Variants in GRAP2 observed in about 807,000 individuals in gnomAD.
The protein encoded by GRAP2 is GRB2-related adapter protein 2.
In GRAP2, 31 loss-of-function variants were observed where a neutral mutation model predicts 43.5. The ratio of observed to expected loss-of-function variants is 0.71; its 90% confidence interval spans 0.54 to 0.96. GRAP2 has a LOEUF of 0.96. Among genes scored for constraint, GRAP2 ranks in the 40% least tolerant of loss-of-function variants. GRAP2 has a pLI of 0.00. For missense variants in GRAP2, 371 were observed against 424.4 expected (o/e 0.87, Z 1.11); for synonymous variants, 156 against 164.8 (o/e 0.95, Z 0.41).
At chr22:39,936,322 T>C (rs763588467) in intron 1 of GRAP2, among the ~76,000 whole-genome samples, 10 of 152,154 alleles carry the variant, frequency 6.6e-5, no homozygotes, top group Non-Finnish European at 8.8e-5. Flanking sequence ...GAGGTGTTTC[T>C]GTAGACAATT....
At position 39,954,143 on chromosome 22, in the gene GRAP2, G is replaced by T. The variant is rs1323243632; in HGVS notation, c.79-1676G>T. ...GCAAGTGGTCTCTCCTCTACATATGGATGCCTTTTCTATCTATTTCTGCTT... is the reference window on the plus strand; with the variant it reads ...GCAAGTGGTCTCTCCTCTACATATGTATGCCTTTTCTATCTATTTCTGCTT... On this transcript the variant is annotated intron_variant, in intron 2 of 7. Transcript: ENST00000344138. Among the ~76,000 whole-genome samples the T allele has an allele frequency of 5.3e-5, 8 of 152,162 alleles. 1 individual carries two copies. Among genetic ancestry groups the T allele is most frequent in the Admixed American group, 5.2e-4 (8 of 15,286 alleles).
intron 1 of GRAP2, among the ~76,000 whole-genome samples, chr22:39,922,908 G>A (rs904222066): frequency 7.2e-5 from 11 of 152,236 alleles, no homozygotes; most frequent in South Asian, 6.2e-4. Context: ...TGGGCATGGC[G>A]GCATGCGCCT....
At chr22:39,896,143 CTG>C (rs2066465650), upstream of GRAP2, among the ~76,000 whole-genome samples, 1 of 152,178 alleles carries the variant, frequency 6.6e-6, no homozygotes, top group African/African-American at 2.4e-5. Context: ...TTTAAAATCT[CTG>C]TGTGTGCTCA....
At chr22:39,907,228 G>A (rs895050199) in intron 1 of GRAP2, among the ~76,000 whole-genome samples, 2 of 152,120 alleles carry the variant, frequency 1.3e-5, no homozygotes, top group African/African-American at 2.4e-5. Flanking sequence ...GGTGGGTGGG[G>A]GAAGGGGAGT....
At chr22:39,936,674 C>G (rs2066809706) in intron 1 of GRAP2, among the ~76,000 whole-genome samples, 1 of 151,438 alleles carries the variant, frequency 6.6e-6, no homozygotes, top group Non-Finnish European at 1.5e-5. Context: ...GAGACACAGA[C>G]AGAAGGAGAG....
At chr22:39,965,860 A>G (rs2067166984) in intron 4 of GRAP2, 130 bp from the exon 5 acceptor site, 1 of 795,118 alleles carries the variant, frequency 1.3e-6, no homozygotes, top group South Asian at 1.5e-5. Flanking sequence ...CCACCTGCCC[A>G]GTGATGAGTG....
At chr22:39,900,175 A>T (rs1460298659), upstream of GRAP2, among the ~76,000 whole-genome samples, 2 of 152,248 alleles carry the variant, frequency 1.3e-5, no homozygotes, top group Non-Finnish European at 2.9e-5. Flanking sequence ...AGATATAAAG[A>T]AGCAAAGAGA....
chr22:39,944,182 G>A (rs965317006), intron 1 of GRAP2, among the ~76,000 whole-genome samples: 1 of 152,208 alleles, frequency 6.6e-6, no homozygotes, highest in Non-Finnish European at 1.5e-5. Flanking sequence ...AATGCAGTAT[G>A]TAGTGGTGGC....
At chr22:39,937,182 G>C (rs1487991593) in intron 1 of GRAP2, among the ~76,000 whole-genome samples, 1 of 152,192 alleles carries the variant, frequency 6.6e-6, no homozygotes, top group Non-Finnish European at 1.5e-5. Flanking sequence ...TCACCTGATA[G>C]ACCATATCAA....
At chr22:39,955,091 G>A (rs1414341444) in intron 2 of GRAP2, among the ~76,000 whole-genome samples, 1 of 152,198 alleles carries the variant, frequency 6.6e-6, no homozygotes, top group Non-Finnish European at 1.5e-5. Context: ...GGGCCTGGTG[G>A]CTCACGCCTG....
At chr22:39,913,947 A>C (rs2066585443) in intron 1 of GRAP2, among the ~76,000 whole-genome samples, 1 of 152,162 alleles carries the variant, frequency 6.6e-6, no homozygotes, top group African/African-American at 2.4e-5. Context: ...TCTATCATTC[A>C]GTAATGATAA....
chr22:39,905,445 T>A (rs1250503795), intron 1 of GRAP2, among the ~76,000 whole-genome samples: 1 of 152,176 alleles, frequency 6.6e-6, no homozygotes, highest in Non-Finnish European at 1.5e-5. Context: ...GTGAGCCCAG[T>A]CTTTCACTTA....
intron 1 of GRAP2, among the ~76,000 whole-genome samples, chr22:39,941,632 A>G (rs967710758): frequency 6.6e-6 from 1 of 152,174 alleles, no homozygotes; most frequent in Non-Finnish European, 1.5e-5. Context: ...AATGCTATGA[A>G]ATTCAAATCT....
At chr22:39,926,484 GAAAAAAAA>G in intron 1 of GRAP2, 1 of 236,922 alleles carries the variant, frequency 4.2e-6, no homozygotes, top group Non-Finnish European at 5.1e-6. Flanking sequence ...CCCAACAAAA[GAAAAAAAA>G]AAAAAAAAGG....
chr22:39,913,548 C>G (rs1466052658), intron 1 of GRAP2, among the ~76,000 whole-genome samples: 1 of 152,140 alleles, frequency 6.6e-6, no homozygotes, highest in Non-Finnish European at 1.5e-5. Context: ...TCTTAAATCC[C>G]TCCCAACTGA....
In GRAP2 at chr22:39,971,154, A is replaced by G. The variant is rs1393544464; in HGVS notation, c.*70A>G. On this transcript the variant is annotated 3_prime_UTR_variant, in exon 8 of 8. Transcript: ENST00000344138. ...AAAGAGGGCAAGGAAAAAAGGCTGG[A>G]CTCCATGACTATATATACATACATC... 5.2e-6 allele frequency: 6 copies of G among 1,163,958 alleles called. No individual in the cohort carries two copies. The African/African-American group carries it at 9.3e-5, about 18-fold the overall frequency. The allele number at this position is 1,163,958 out of a possible 1,614,324, so 72.1% of individuals were successfully genotyped here. A position where few individuals can be genotyped will look rare whatever the true frequency, so the allele number is the denominator to read the frequency against.
intron 1 of GRAP2, among the ~76,000 whole-genome samples, chr22:39,916,968 T>C (rs2145583130): frequency 6.6e-6 from 1 of 152,298 alleles, no homozygotes; most frequent in East Asian, 1.9e-4. Flanking sequence ...TTAATTAAAA[T>C]GTGATGCACT....
chr22:39,909,046 T>G (rs996493531), intron 1 of GRAP2, among the ~76,000 whole-genome samples: 2 of 152,238 alleles, frequency 1.3e-5, no homozygotes, highest in Non-Finnish European at 2.9e-5. Context: ...TACAAGAGAC[T>G]TTTGAAGATT....
At chr22:39,911,905 C>G (rs992245689) in intron 1 of GRAP2, among the ~76,000 whole-genome samples, 1 of 152,164 alleles carries the variant, frequency 6.6e-6, no homozygotes, top group African/African-American at 2.4e-5. Flanking sequence ...AAAAAATTCC[C>G]CTGGTGATTC....
Sources: gnomAD v4.1 joint callset for allele counts (sites outside exome capture counted in the v4.1 genomes callset) on GRCh38, gnomAD v4.1.1 for gene constraint, MANE v1.5 for transcripts, NCBI Gene and HGNC (gene_info 2026-07-23, HGNC 2026-07-21) for gene names.